PRKG1: variants seen among roughly 807,000 people sequenced by gnomAD.
The protein encoded by PRKG1 is protein kinase cGMP-dependent 1.
Under a neutral mutation model 88.1 loss-of-function variants are expected in PRKG1, and 35 were observed. The observed-to-expected ratio is 0.40, with a 90% confidence interval of 0.30 to 0.53. The LOEUF (loss-of-function observed/expected upper bound fraction) is 0.53. Ranked by LOEUF, PRKG1 falls within the 20% of genes least tolerant of loss-of-function variation. The probability of loss-of-function intolerance (pLI) is 0.59; values close to 1 mark genes in which losing one functional copy is unlikely to be tolerated. For synonymous variants in PRKG1, 303 were observed against 292.5 expected, an observed-to-expected ratio of 1.04 and a Z score of -0.37; for missense variants, 540 against 839.8, an observed-to-expected ratio of 0.64 and a Z score of 4.41.
chr10:51,526,237 A>G, intron 3 of PRKG1, among the ~76,000 whole-genome samples: 1 of 152,304 alleles, frequency 6.6e-6, no homozygotes, highest in Middle Eastern at 3.4e-3. Context: ...AAAGGATCTC[A>G]TAATAATTTT....
chr10:51,043,575 C>T (rs1327285726), intron 1 of PRKG1, among the ~76,000 whole-genome samples: 1 of 152,154 alleles, frequency 6.6e-6, no homozygotes, highest in African/African-American at 2.4e-5. Context: ...CCTCATCAGA[C>T]TGTAAGGGGC....
intron 5 of PRKG1, among the ~76,000 whole-genome samples, chr10:51,948,809 G>A (rs1843117958): frequency 6.6e-6 from 1 of 151,924 alleles, no homozygotes; most frequent in Admixed American, 6.6e-5. Context: ...TATATCTCTT[G>A]GCCATTTATT....
At chr10:51,344,764 T>C (rs187348726) in intron 2 of PRKG1, among the ~76,000 whole-genome samples, 13 of 152,162 alleles carry the variant, frequency 8.5e-5, no homozygotes, top group Admixed American at 4.6e-4. Context: ...AACAAGGGAG[T>C]ATTATTACCA....
chr10:51,804,511 T>G lies in PRKG1; in HGVS notation c.593-74T>G. On this transcript the variant is annotated intron_variant, in intron 3 of 17. Coordinates refer to ENST00000373980, the MANE Select transcript of PRKG1 (RefSeq NM_006258.4). ...GATTCTCATGAATAGCTCATCTCCT[T>G]TGCAGGATGTTGTTCACAGTTGAAA... is the stretch of plus-strand genomic sequence containing the variant. 4 of 1,012,132 alleles carry G rather than the reference T, an allele frequency of 4.0e-6. No homozygotes were observed. In the East Asian group the frequency reaches 9.7e-5, roughly 25 times the overall value. The allele number at this position is 1,012,132 out of a possible 1,614,324, so 62.7% of individuals were successfully genotyped here. A position where few individuals can be genotyped will look rare whatever the true frequency, so the allele number is the denominator to read the frequency against.
intron 5 of PRKG1, among the ~76,000 whole-genome samples, chr10:51,985,702 A>G (rs934895905): frequency 2.0e-5 from 3 of 152,190 alleles, no homozygotes; most frequent in Non-Finnish European, 4.4e-5. Flanking sequence ...TGGTTGTATC[A>G]TACTTTAAAT....
intron 2 of PRKG1, among the ~76,000 whole-genome samples, chr10:51,431,326 C>G (rs759973393): frequency 1.3e-5 from 2 of 152,120 alleles, no homozygotes; most frequent in African/African-American, 4.8e-5. Flanking sequence ...TAGGGCCACA[C>G]GGGGATGTGC....
chr10:51,163,156 ACT>A (rs1846412082), intron 2 of PRKG1, among the ~76,000 whole-genome samples: 1 of 152,268 alleles, frequency 6.6e-6, no homozygotes, highest in South Asian at 2.1e-4. Flanking sequence ...CAGGAGTGAA[ACT>A]CTGTCTCAAA....
chr10:51,565,334 C>T (rs536616791), intron 3 of PRKG1, among the ~76,000 whole-genome samples: 7 of 152,156 alleles, frequency 4.6e-5, no homozygotes, highest in African/African-American at 1.4e-4. Context: ...TGAGCATATA[C>T]CCCTCTTTCC....
At chr10:51,603,319 G>A (rs1171674678) in intron 3 of PRKG1, among the ~76,000 whole-genome samples, 1 of 152,014 alleles carries the variant, frequency 6.6e-6, no homozygotes, top group Non-Finnish European at 1.5e-5. Flanking sequence ...GAGATGGCCG[G>A]GACTTTCAAA....
At chr10:52,217,448 C>G (rs1043998383) in intron 9 of PRKG1, among the ~76,000 whole-genome samples, 3 of 151,926 alleles carry the variant, frequency 2.0e-5, no homozygotes, top group Non-Finnish European at 4.4e-5. Context: ...ATCTCATAGT[C>G]TAGGAACTAA....
Position 51,007,980 on chromosome 10 carries a change from C to G in PRKG1, c.266+16336C>G, listed in dbSNP as rs573941598. 6.9e-4 allele frequency among the ~76,000 whole-genome samples: 105 copies of G among 152,278 alleles called. 2 individuals carry two copies. Among genetic ancestry groups the G allele is most frequent in the South Asian group, 5.8e-3 (28 of 4,820 alleles). ...TCTGTACAGAGGAGGAGACTCAGTG[C>G]AAACACATCAAGTGACTCATCCCAA... On this transcript the variant is annotated intron_variant, in intron 1 of 17. Transcript: ENST00000401604.
chr10:51,385,906 C>T (rs1490838573), intron 2 of PRKG1, among the ~76,000 whole-genome samples: 1 of 152,104 alleles, frequency 6.6e-6, no homozygotes, highest in Non-Finnish European at 1.5e-5. Context: ...AGGTGTCTAT[C>T]AAGAGGATAT....
intron 3 of PRKG1, among the ~76,000 whole-genome samples, chr10:51,711,865 C>T (rs1337909510): frequency 6.6e-6 from 1 of 152,126 alleles, no homozygotes; most frequent in Middle Eastern, 3.2e-3. Flanking sequence ...CTGCAATAAA[C>T]CAGGGGGGTA....
At chr10:51,035,665 T>A (rs1049151274) in intron 1 of PRKG1, among the ~76,000 whole-genome samples, 3 of 152,214 alleles carry the variant, frequency 2.0e-5, no homozygotes, top group African/African-American at 7.2e-5. Flanking sequence ...ATTGCTCAGA[T>A]ACATTCTTTT....
intron 2 of PRKG1, among the ~76,000 whole-genome samples, chr10:51,217,445 A>G (rs891888646): frequency 6.6e-6 from 1 of 152,160 alleles, no homozygotes. Flanking sequence ...AATAATAAAT[A>G]TGCAAGTGGA....
intron 9 of PRKG1, among the ~76,000 whole-genome samples, chr10:52,245,931 T>C (rs1286257362): frequency 6.6e-6 from 1 of 152,152 alleles, no homozygotes; most frequent in Non-Finnish European, 1.5e-5. Flanking sequence ...ACTATAGTTA[T>C]GTTCCTTTTG....
At chr10:51,632,347 G>C (rs1219992613) in intron 3 of PRKG1, among the ~76,000 whole-genome samples, 1 of 152,144 alleles carries the variant, frequency 6.6e-6, no homozygotes, top group African/African-American at 2.4e-5. Context: ...TCATTCAACT[G>C]TCTGCTGGAA....
intron 1 of PRKG1, among the ~76,000 whole-genome samples, chr10:51,144,049 C>A (rs979254833): frequency 2.6e-5 from 4 of 151,986 alleles, no homozygotes; most frequent in African/African-American, 9.7e-5. Context: ...TTGCCTGGAT[C>A]AGTGTCATGA....
At chr10:52,139,072 C>G (rs1837504045) in intron 8 of PRKG1, among the ~76,000 whole-genome samples, 1 of 151,958 alleles carries the variant, frequency 6.6e-6, no homozygotes, top group African/African-American at 2.4e-5. Flanking sequence ...AGTATTAAAA[C>G]TGGGTATGTT....
Sources: allele counts gnomAD v4.1 joint callset (sites outside exome capture counted in the v4.1 genomes callset), GRCh38; gene constraint gnomAD v4.1.1; transcripts MANE v1.5; gene names NCBI Gene and HGNC (gene_info 2026-07-23, HGNC 2026-07-21).